Variants in RFX7 observed in about 807,000 individuals in gnomAD.
RFX7 encodes the protein regulatory factor X7.
RFX7 carries 26 observed loss-of-function variants against 111.8 expected under a neutral mutation model. The observed-to-expected ratio is 0.23, with a 90% CI of 0.17 to 0.32. The LOEUF is 0.32. Among genes scored for constraint, RFX7 ranks in the 10% least tolerant of loss-of-function variants. The probability of loss-of-function intolerance (pLI) is 1.00; values close to 1 mark genes in which losing one functional copy is unlikely to be tolerated. For missense variants in RFX7, 1,573 were observed against 1,772.9 expected, an observed-to-expected ratio of 0.89 and a Z score of 2.02; for synonymous variants, 624 against 624.4, an observed-to-expected ratio of 1.00 and a Z score of 0.01.
At chr15:56,107,321 AAG>A (rs2041844500) in intron 5 of RFX7, among the ~76,000 whole-genome samples, 1 of 147,966 alleles carries the variant, frequency 6.8e-6, no homozygotes, top group South Asian at 2.1e-4. Flanking sequence ...AAAAAAAAAA[AAG>A]AAGAAAGAAT....
At chr15:56,243,072 GC>G in intron 2 of RFX7, 52 bp downstream of exon 2, 3 of 579,818 alleles carry the variant, frequency 5.2e-6, no homozygotes, top group Non-Finnish European at 8.9e-6. Context: ...CACCCACTTT[GC>G]AGCAGAAATG....
chr15:56,140,754 T>C (rs1394795672), intron 5 of RFX7, among the ~76,000 whole-genome samples: 2 of 152,364 alleles, frequency 1.3e-5, no homozygotes, highest in South Asian at 4.1e-4. Flanking sequence ...TAAAAAATCC[T>C]TTAACTTTTT....
chr15:56,148,088 C>T (rs1166168467), intron 3 of RFX7, among the ~76,000 whole-genome samples: 2 of 152,312 alleles, frequency 1.3e-5, no homozygotes, highest in East Asian at 3.9e-4. Flanking sequence ...CTGATAATTT[C>T]ATACTATTGC....
At chr15:56,195,051 T>G (rs1357239708) in intron 2 of RFX7, among the ~76,000 whole-genome samples, 1 of 152,124 alleles carries the variant, frequency 6.6e-6, no homozygotes, top group Non-Finnish European at 1.5e-5. Flanking sequence ...TGTGATATAT[T>G]ATTAAAATGA....
chr15:56,186,187 TG>T (rs1164189285), intron 2 of RFX7, among the ~76,000 whole-genome samples: 2 of 152,192 alleles, frequency 1.3e-5, no homozygotes, highest in African/African-American at 4.8e-5. Context: ...GGTCTGTCTG[TG>T]GGTTCCCTGT....
At chr15:56,230,740 G>A (rs2043545033) in intron 2 of RFX7, among the ~76,000 whole-genome samples, 1 of 152,230 alleles carries the variant, frequency 6.6e-6, no homozygotes. Flanking sequence ...AGGTCAATGT[G>A]TACTACAGTA....
At position 56,242,343 on chromosome 15, in the gene RFX7, A is replaced by G. The variant is rs140003393; in HGVS notation, c.161+782T>C. On this transcript the variant is annotated intron_variant, in intron 2 of 9. Coordinates refer to ENST00000559447, the MANE Select transcript of RFX7 (RefSeq NM_022841.7). ...AACAGTGGATGGACTTAGTGTATTT[A>G]ATTATTAAAAGATTCCCACTAGACT... is the stretch of plus-strand genomic sequence containing the variant. Among the ~76,000 whole-genome samples the G allele has an allele frequency of 1.6e-3, 241 of 152,350 alleles. 1 individual carries two copies. The highest frequency in any genetic ancestry group is 5.4e-3 in the African/African-American group (226 of 41,590).
intron 3 of RFX7, among the ~76,000 whole-genome samples, chr15:56,146,342 G>C (rs2042470818): frequency 6.6e-6 from 1 of 152,136 alleles, no homozygotes; most frequent in Non-Finnish European, 1.5e-5. Context: ...CTGGCCTCAA[G>C]TGATCCTCCT....
At chr15:56,216,106 A>C (rs1446970254) in intron 2 of RFX7, among the ~76,000 whole-genome samples, 1 of 152,246 alleles carries the variant, frequency 6.6e-6, no homozygotes, top group African/African-American at 2.4e-5. Context: ...GATTAGGTCC[A>C]GCCCACACTC....
chr15:56,092,144 A>G lies in RFX7; in HGVS notation c.*1201T>C, dbSNP rs1369363413. ...AACAAATCCTGAGTTCTTCTTTTGCAATTGTGGTTATCACAATAAATAAAT... is the reference window on the plus strand; with the variant it reads ...AACAAATCCTGAGTTCTTCTTTTGCGATTGTGGTTATCACAATAAATAAAT... On this transcript the variant is annotated 3_prime_UTR_variant, in exon 10 of 10. Transcript: ENST00000559447. 2.0e-5 allele frequency: 3 copies of G among 152,556 alleles called. No individual in the cohort carries two copies. The highest frequency in any genetic ancestry group is 7.2e-5 in the African/African-American group (3 of 41,438). 9.5% of individuals were successfully genotyped at this position (152,556 alleles called of 1,614,324 possible).
chr15:56,111,899 G>A (rs2041938511), intron 5 of RFX7, among the ~76,000 whole-genome samples: 1 of 151,766 alleles, frequency 6.6e-6, no homozygotes. Flanking sequence ...GGTGGATCAC[G>A]AGGTCAGGAG....
intron 5 of RFX7, among the ~76,000 whole-genome samples, chr15:56,141,897 C>T (rs1187857838): frequency 1.3e-5 from 2 of 151,654 alleles, no homozygotes; most frequent in Admixed American, 6.6e-5. Flanking sequence ...ATATTTTTAT[C>T]TAGACTTTCT....
intron 2 of RFX7, among the ~76,000 whole-genome samples, chr15:56,202,392 C>T (rs770038190): frequency 1.3e-5 from 2 of 152,110 alleles, no homozygotes; most frequent in Non-Finnish European, 2.9e-5. Flanking sequence ...GTATTTTATA[C>T]TTACAACACA....
chr15:56,216,432 ATTC>A (rs2043363602), intron 2 of RFX7, among the ~76,000 whole-genome samples: 2 of 152,150 alleles, frequency 1.3e-5, no homozygotes, highest in Admixed American at 6.5e-5. Flanking sequence ...TGCTTATAAT[ATTC>A]TTATTTTCAC....
chr15:56,130,569 G>C (rs1465937841), intron 5 of RFX7, among the ~76,000 whole-genome samples: 1 of 151,760 alleles, frequency 6.6e-6, no homozygotes, highest in Admixed American at 6.6e-5. Flanking sequence ...CAAATTCATA[G>C]ATATAAATGT....
chr15:56,243,042 TCCCCCCGCCCGCC>T, intron 2 of RFX7, 70 bp downstream of exon 2: 1 of 543,104 alleles, frequency 1.8e-6, no homozygotes, highest in Non-Finnish European at 3.3e-6. Flanking sequence ...CCTCCTCCGC[TCCCCCCGCCCGCC>T]GCCCCCCACC....
intron 3 of RFX7, among the ~76,000 whole-genome samples, chr15:56,167,667 A>C (rs2042798935): frequency 6.6e-6 from 1 of 152,210 alleles, no homozygotes; most frequent in African/African-American, 2.4e-5. Flanking sequence ...AAATCTATTC[A>C]TATTTATGCT....
intron 2 of RFX7, among the ~76,000 whole-genome samples, chr15:56,205,175 G>A (rs1265895235): frequency 6.6e-6 from 1 of 152,194 alleles, no homozygotes; most frequent in Non-Finnish European, 1.5e-5. Flanking sequence ...CCAAAGGAGA[G>A]AGAACATAAA....
chr15:56,186,364 A>G (rs2043037759), intron 2 of RFX7, among the ~76,000 whole-genome samples: 1 of 152,200 alleles, frequency 6.6e-6, no homozygotes, highest in African/African-American at 2.4e-5. Flanking sequence ...GAAAACCACT[A>G]TGGGTCATTT....
Sources: allele counts gnomAD v4.1 joint callset (sites outside exome capture counted in the v4.1 genomes callset), GRCh38; gene constraint gnomAD v4.1.1; transcripts MANE v1.5; gene names NCBI Gene and HGNC (gene_info 2026-07-23, HGNC 2026-07-21).